Variants in ASAP1 observed in about 807,000 individuals in gnomAD.
The protein encoded by ASAP1 is ArfGAP with SH3 domain, ankyrin repeat and PH domain 1.
In ASAP1, 43 loss-of-function variants were observed where a neutral mutation model predicts 145.2. The observed-to-expected ratio is 0.30, with a 90% CI of 0.23 to 0.38. ASAP1 has a LOEUF of 0.38. ASAP1 is among the 10% of genes least tolerant of loss of function. The pLI, the probability that ASAP1 is intolerant of heterozygous loss-of-function variation, is 1.00. For missense variants in ASAP1, 1,018 were observed against 1,355.3 expected (o/e 0.75, Z 3.91); for synonymous variants, 546 against 515.5 (o/e 1.06, Z -0.80).
At chr8:130,163,216 C>T (rs2097673239) in intron 11 of ASAP1, 1 of 152,192 alleles carries the variant, frequency 6.6e-6, no homozygotes, top group Admixed American at 6.5e-5. Context: ...CTAATCTTAA[C>T]CTTTGCTAAC....
At chr8:130,296,766 A>G (rs1001899909) in intron 3 of ASAP1, among the ~76,000 whole-genome samples, 3 of 142,202 alleles carry the variant, frequency 2.1e-5, no homozygotes, top group African/African-American at 8.6e-5. Context: ...GTTTAAAAGA[A>G]AAAAAAAAAA....
At chr8:130,228,104 A>G (rs539413365) in intron 4 of ASAP1, among the ~76,000 whole-genome samples, 2 of 152,172 alleles carry the variant, frequency 1.3e-5, no homozygotes, top group Non-Finnish European at 2.9e-5. Flanking sequence ...AACAGACAAG[A>G]AAAAAAATCA....
At chr8:130,277,084 A>G (rs1010543304) in intron 3 of ASAP1, among the ~76,000 whole-genome samples, 32 of 152,182 alleles carry the variant, frequency 2.1e-4, no homozygotes, top group African/African-American at 7.7e-4. Context: ...GTGCTTTTCA[A>G]TGCAGGCACC....
chr8:130,383,740 T>G (rs1827888026), intron 2 of ASAP1, among the ~76,000 whole-genome samples: 1 of 152,252 alleles, frequency 6.6e-6, no homozygotes, highest in African/African-American at 2.4e-5. Context: ...GACAGAGGCC[T>G]GACCACACCA....
chr8:130,322,335 A>G (rs1824059035), intron 3 of ASAP1, among the ~76,000 whole-genome samples: 1 of 152,170 alleles, frequency 6.6e-6, no homozygotes, highest in Admixed American at 6.5e-5. Flanking sequence ...TGCTGTAACT[A>G]AACATGATTC....
intron 24 of ASAP1, among the ~76,000 whole-genome samples, chr8:130,110,184 T>C (rs948329372): frequency 6.6e-6 from 1 of 152,166 alleles, no homozygotes; most frequent in African/African-American, 2.4e-5. Context: ...CCCCTTGAGA[T>C]AAAATTACAG....
intron 27 of ASAP1, among the ~76,000 whole-genome samples, chr8:130,068,804 G>A (rs924166938): frequency 6.6e-6 from 1 of 152,194 alleles, no homozygotes. Flanking sequence ...ATGTGGGACT[G>A]GCTTTATGAT....
chr8:130,297,512 C>A (rs1822359548), intron 3 of ASAP1, among the ~76,000 whole-genome samples: 1 of 152,226 alleles, frequency 6.6e-6, no homozygotes, highest in Non-Finnish European at 1.5e-5. Flanking sequence ...GGCCAAGAAG[C>A]AGACCTGGGA....
rs1232831156 is a variant in ASAP1 at position 130,107,516 on chromosome 8, ATGTATGTATGT to A, written c.2401+4567_2401+4577del. Among the ~76,000 whole-genome samples the A allele has an allele frequency of 7.1e-3, 580 of 81,876 alleles. 9 individuals carry two copies. Among genetic ancestry groups the A allele is most frequent in the African/African-American group, 0.028 (398 of 14,256 alleles). 53.7% of individuals were successfully genotyped at this position (81,876 alleles called of 152,430 possible). ...CTCTCTTTTTTTTTTTTTTTAAAAAATGTATGTATGTATGTATGTATGTATGTATGTATGTA... is the reference window on the plus strand; with the variant it reads ...CTCTCTTTTTTTTTTTTTTTAAAAAAATGTATGTATGTATGTATGTATGTA... On this transcript the variant is annotated intron_variant, in intron 24 of 29. Coordinates refer to ENST00000518721, the MANE Select transcript of ASAP1 (RefSeq NM_018482.4).
In ASAP1 at chr8:130,072,824, T is replaced by TGTGTGTGTGC; in HGVS notation, c.2701+3523_2701+3524insGCACACACAC. Among the ~76,000 whole-genome samples the TGTGTGTGTGC allele has an allele frequency of 2.7e-3, 86 of 32,302 alleles. 1 individual carries two copies. The highest frequency in any genetic ancestry group is 9.4e-3 in the African/African-American group (77 of 8,180). 21.2% of individuals were successfully genotyped at this position (32,302 alleles called of 152,430 possible). The stretch of plus-strand genomic sequence containing the variant: ...GTGTGTGTGTGTGTGTGTGTGTGTG[T>TGTGTGTGTGC]GCGCGCGGGGGGGGGCAGTTTTGGG... On this transcript the variant is annotated intron_variant, in intron 27 of 29. Coordinates refer to ENST00000518721, the MANE Select transcript of ASAP1 (RefSeq NM_018482.4).
chr8:130,358,803 C>G lies in ASAP1; in HGVS notation c.60-660G>C, dbSNP rs1481342982. On this transcript the variant is annotated intron_variant, in intron 2 of 29. Coordinates refer to ENST00000518721, the MANE Select transcript of ASAP1 (RefSeq NM_018482.4). The surrounding 1 kb of genome is among the most constrained non-coding windows in gnomAD (Gnocchi z 4.1). ...CTGGGGCCTGGCTCCGAAGCTGCCG[C>G]TCCCGACCCCGGCTGCGCGGCACGG... Among the ~76,000 whole-genome samples the G allele has an allele frequency of 3.3e-5, 5 of 150,366 alleles. No individual in the cohort carries two copies. The highest frequency in any genetic ancestry group is 2.0e-4 in the Admixed American group (3 of 15,120).
chr8:130,053,632 TG>T lies in ASAP1; in HGVS notation c.*1098del, dbSNP rs1220824032. The T allele has an allele frequency of 2.0e-5, 3 of 152,224 alleles. No individual in the cohort carries two copies. Among genetic ancestry groups the T allele is most frequent in the Non-Finnish European group, 4.4e-5 (3 of 68,040 alleles). 9.4% of individuals were successfully genotyped at this position (152,224 alleles called of 1,614,324 possible). A position where few individuals can be genotyped will look rare whatever the true frequency, so the allele number is the denominator to read the frequency against. ...GATTCTACATACAGTAGGGAAACTG[TG>T]TGAAGGGTTGACTTTTAAATTCATC... On this transcript the variant is annotated 3_prime_UTR_variant, in exon 30 of 30. Coordinates refer to ENST00000518721, the MANE Select transcript of ASAP1 (RefSeq NM_018482.4).
intron 2 of ASAP1, among the ~76,000 whole-genome samples, chr8:130,383,873 C>T (rs1827892868): frequency 6.6e-6 from 1 of 152,140 alleles, no homozygotes; most frequent in Non-Finnish European, 1.5e-5. Context: ...CCATTTCTCC[C>T]ACAGAGGTGA....
intron 4 of ASAP1, among the ~76,000 whole-genome samples, chr8:130,218,861 A>G (rs1817100793): frequency 6.6e-6 from 1 of 151,900 alleles, no homozygotes; most frequent in Non-Finnish European, 1.5e-5. Flanking sequence ...ATATATATAT[A>G]TATGCATATG....
chr8:130,431,529 T>C (rs527771838), intron 1 of ASAP1, among the ~76,000 whole-genome samples: 2 of 152,344 alleles, frequency 1.3e-5, no homozygotes, highest in Admixed American at 1.3e-4. Flanking sequence ...CTTCCCTTCC[T>C]TCCATTCTTT....
intron 4 of ASAP1, among the ~76,000 whole-genome samples, chr8:130,219,453 G>A (rs1489194519): frequency 6.6e-6 from 1 of 152,172 alleles, no homozygotes; most frequent in African/African-American, 2.4e-5. Flanking sequence ...GAGGTATAGG[G>A]AAGAGGAGGG....
At chr8:130,271,613 G>C (rs1820591712) in intron 3 of ASAP1, among the ~76,000 whole-genome samples, 1 of 152,034 alleles carries the variant, frequency 6.6e-6, no homozygotes, top group Admixed American at 6.6e-5. Context: ...TTTTGTTTTT[G>C]CATCTTTTAG....
chr8:130,364,565 C>T (rs2138224588), intron 2 of ASAP1, among the ~76,000 whole-genome samples: 2 of 152,300 alleles, frequency 1.3e-5, no homozygotes, highest in East Asian at 3.9e-4. Context: ...GAGTCCACAG[C>T]CCCAGGATGC....
chr8:130,217,537 T>TACACACACACACACACACACACACAC (rs71302402), intron 4 of ASAP1, among the ~76,000 whole-genome samples: 9 of 148,878 alleles, frequency 6.0e-5, no homozygotes, highest in Non-Finnish European at 8.9e-5. Flanking sequence ...TGTATATATG[T>TACACACACACACACACACACACACAC]ACACACACAC....
Sources: gnomAD v4.1 joint callset for allele counts (sites outside exome capture counted in the v4.1 genomes callset) on GRCh38, gnomAD v4.1.1 for gene constraint, Gnocchi (gnomAD v3.1) non-coding constraint, MANE v1.5 for transcripts, NCBI Gene and HGNC (gene_info 2026-07-23, HGNC 2026-07-21) for gene names.